Variants in ARHGAP40 observed in about 807,000 individuals in gnomAD.
The protein encoded by ARHGAP40 is Rho GTPase activating protein 40.
In ARHGAP40, 43 loss-of-function variants were observed where a neutral mutation model predicts 73.5. The ratio of observed to expected loss-of-function variants is 0.58; its 90% CI spans 0.46 to 0.75. ARHGAP40 has a LOEUF of 0.75. Among genes scored for constraint, ARHGAP40 ranks in the 30% least tolerant of loss-of-function variants. The pLI is 0.00. For synonymous variants in ARHGAP40, 300 were observed against 352.8 expected (o/e 0.85, Z 1.68); for missense variants, 734 against 861.8 (o/e 0.85, Z 1.86).
intron 1 of ARHGAP40, among the ~76,000 whole-genome samples, chr20:38,612,698 TAAG>T (rs2088811075): frequency 6.9e-6 from 1 of 145,050 alleles, no homozygotes; most frequent in South Asian, 2.2e-4. Flanking sequence ...AGAAAAGAGA[TAAG>T]AAAAGAAAAG....
intron 3 of ARHGAP40, among the ~76,000 whole-genome samples, chr20:38,627,561 A>G (rs1381563844): frequency 8.6e-5 from 8 of 92,516 alleles, no homozygotes; most frequent in Non-Finnish European, 1.1e-4. Flanking sequence ...GTGTTGGGGT[A>G]TGTGTGTTGA....
chr20:38,622,551 T>A (rs2088878857), intron 1 of ARHGAP40, among the ~76,000 whole-genome samples: 1 of 152,176 alleles, frequency 6.6e-6, no homozygotes, highest in African/African-American at 2.4e-5. Flanking sequence ...CAGAAATTCA[T>A]TGAGTGTAGC....
intron 1 of ARHGAP40, among the ~76,000 whole-genome samples, chr20:38,620,950 C>T (rs2088870485): frequency 6.6e-6 from 1 of 152,234 alleles, no homozygotes; most frequent in South Asian, 2.1e-4. Context: ...ACATGGGTCC[C>T]TCATTCAAAC....
At chr20:38,601,930 G>A in exon 1 of ARHGAP40, 2 of 1,287,642 alleles carry the variant, frequency 1.6e-6, no homozygotes, top group Non-Finnish European at 2.0e-6. Flanking sequence ...CGGGATCCTC[G>A]AGGTGCCAGC....
In ARHGAP40 at chr20:38,621,783, A is replaced by G. The variant is rs143220509; in HGVS notation, c.138-1576A>G. On this transcript the variant is annotated intron_variant, in intron 1 of 14. Transcript: ENST00000373345. The stretch of plus-strand genomic sequence containing the variant: ...CAAAAATGTTTTAAGGCCGGGCTCA[A>G]TGGCTCATTCCTGTAATCCCAGTAC... 2.8e-3 allele frequency among the ~76,000 whole-genome samples: 432 copies of G among 152,318 alleles called. 3 individuals carry two copies. The highest frequency in any genetic ancestry group is 9.9e-3 in the African/African-American group (412 of 41,562).
exon 10 of ARHGAP40, chr20:38,641,766 G>A (rs1322979202): frequency 7.7e-7 from 1 of 1,295,398 alleles, no homozygotes; most frequent in Non-Finnish European, 1.0e-6. Flanking sequence ...TTCTTCACCT[G>A]CTCATCCTCA....
chr20:38,602,521 C>T (rs1017380379), intron 1 of ARHGAP40, among the ~76,000 whole-genome samples: 1 of 152,158 alleles, frequency 6.6e-6, no homozygotes, highest in African/African-American at 2.4e-5. Flanking sequence ...TATTCCTGCT[C>T]AGCCTGCCAC....
intron 1 of ARHGAP40, among the ~76,000 whole-genome samples, chr20:38,603,390 G>A (rs1449182641): frequency 6.6e-6 from 1 of 150,450 alleles, no homozygotes; most frequent in Non-Finnish European, 1.5e-5. Context: ...AGAAGCCAAA[G>A]ACAAGTTTGT....
intron 1 of ARHGAP40, among the ~76,000 whole-genome samples, chr20:38,608,391 ACTC>A (rs1359955389): frequency 2.0e-5 from 3 of 151,614 alleles, no homozygotes; most frequent in Non-Finnish European, 2.9e-5. Context: ...TCTAGTTACT[ACTC>A]TGTCCCCTCG....
chr20:38,606,742 A>G (rs978234175), intron 1 of ARHGAP40, among the ~76,000 whole-genome samples: 1 of 152,210 alleles, frequency 6.6e-6, no homozygotes, highest in Non-Finnish European at 1.5e-5. Context: ...CACCTTTACA[A>G]GGTTCACCTT....
At position 38,634,528 on chromosome 20, in the gene ARHGAP40, T is replaced by C. The variant is rs1231198169; in HGVS notation, c.784-92T>C. 3 of 1,155,664 alleles carry C rather than the reference T, an allele frequency of 2.6e-6. No homozygotes were observed. In the Admixed American group the frequency reaches 6.9e-5, roughly 27 times the overall value. The allele number at this position is 1,155,664 out of a possible 1,614,324, so 71.6% of individuals were successfully genotyped here. ...CTCTTATCCACGCTGCTCTTCCTTC[T>C]GCCTAAATGCCCTGGGGAGAAGGGG... On this transcript the variant is annotated intron_variant, in intron 5 of 14. Coordinates refer to ENST00000373345, the Ensembl canonical transcript of ARHGAP40.
chr20:38,633,368 T>C (rs1438726533), intron 5 of ARHGAP40, among the ~76,000 whole-genome samples: 1 of 152,254 alleles, frequency 6.6e-6, no homozygotes, highest in Admixed American at 6.5e-5. Flanking sequence ...ATATTTGATT[T>C]AATTTCATTC....
chr20:38,636,404 A>T (rs2088975486), intron 6 of ARHGAP40, among the ~76,000 whole-genome samples: 1 of 151,898 alleles, frequency 6.6e-6, no homozygotes, highest in South Asian at 2.1e-4. Context: ...CTTGGACTGC[A>T]GGTATGTGCC....
chr20:38,637,763 C>T, exon 7 of ARHGAP40: 1 of 1,305,388 alleles, frequency 7.7e-7, no homozygotes, highest in South Asian at 1.2e-5. Context: ...ACCACAAAGT[C>T]CTCCCCAGCA....
exon 9 of ARHGAP40, chr20:38,639,331 G>C: frequency 7.7e-7 from 1 of 1,305,518 alleles, no homozygotes; most frequent in Non-Finnish European, 1.0e-6. Context: ...TCATCCGGAA[G>C]CTGCCGACAC....
intron 1 of ARHGAP40, among the ~76,000 whole-genome samples, chr20:38,610,883 C>CTTTTTTTTTTTT (rs60110231): frequency 7.2e-6 from 1 of 139,054 alleles, no homozygotes; most frequent in African/African-American, 2.7e-5. Context: ...GATGTCTTTT[C>CTTTTTTTTTTTT]TTTTTTTTTT....
At chr20:38,648,518 C>T in intron 13 of ARHGAP40, 125 bp from the exon 14 acceptor site, 1 of 747,136 alleles carries the variant, frequency 1.3e-6, no homozygotes, top group South Asian at 1.8e-5. Flanking sequence ...CTGCTTCTCC[C>T]CAGCAGGACC....
intron 1 of ARHGAP40, among the ~76,000 whole-genome samples, chr20:38,606,154 C>T (rs1201565086): frequency 6.6e-6 from 1 of 152,230 alleles, no homozygotes. Context: ...TGCCACCACA[C>T]CTGCCCTTAC....
intron 3 of ARHGAP40, among the ~76,000 whole-genome samples, chr20:38,627,633 G>GGGTGTGTGTGTGGGTGTGTT (rs2088910150): frequency 7.2e-6 from 1 of 139,494 alleles, no homozygotes; most frequent in Non-Finnish European, 1.6e-5. Context: ...GTGTGTGTTG[G>GGGTGTGTGTGTGGGTGTGTT]GGTGTGTGTG....
Sources: gnomAD v4.1 joint callset for allele counts (sites outside exome capture counted in the v4.1 genomes callset) on GRCh38, gnomAD v4.1.1 for gene constraint, MANE v1.5 for transcripts, NCBI Gene and HGNC (gene_info 2026-07-23, HGNC 2026-07-21) for gene names.